PHACTR1: variants seen among roughly 807,000 people sequenced by gnomAD.
PHACTR1 encodes RPEL repeat containing 1.
In PHACTR1, 16 loss-of-function variants were observed where a neutral mutation model predicts 69.2. The ratio of observed to expected loss-of-function variants is 0.23; its 90% confidence interval spans 0.16 to 0.35. The LOEUF is 0.35. PHACTR1 is among the 10% of genes least tolerant of loss of function. PHACTR1 has a pLI of 1.00. For missense variants in PHACTR1, 510 were observed against 734.7 expected (o/e 0.69, Z 3.54); for synonymous variants, 312 against 284.5 (o/e 1.10, Z -0.97).
At chr6:12,836,172 T>G (rs1050298399) in intron 4 of PHACTR1, among the ~76,000 whole-genome samples, 2 of 152,164 alleles carry the variant, frequency 1.3e-5, no homozygotes, top group Non-Finnish European at 2.9e-5. Context: ...ACTTCTAAAG[T>G]CATCAGAAAG....
intron 4 of PHACTR1, among the ~76,000 whole-genome samples, chr6:12,767,375 C>T (rs1296800191): frequency 6.6e-6 from 1 of 152,184 alleles, no homozygotes; most frequent in Admixed American, 6.5e-5. Context: ...GTAGGCCTTC[C>T]AAAGGAAGCC....
intron 5 of PHACTR1, among the ~76,000 whole-genome samples, chr6:13,087,713 A>C (rs545491525): frequency 7.9e-5 from 12 of 151,470 alleles, no homozygotes; most frequent in Non-Finnish European, 1.8e-4. Context: ...TGGTGTGATC[A>C]CAGCTCACTG....
intron 4 of PHACTR1, among the ~76,000 whole-genome samples, chr6:12,973,078 T>A (rs545006783): frequency 6.6e-6 from 1 of 152,296 alleles, no homozygotes; most frequent in Admixed American, 6.5e-5. Context: ...GATAACCTTT[T>A]CTCAGGACCT....
At chr6:13,191,961 A>G (rs1453633799) in intron 7 of PHACTR1, among the ~76,000 whole-genome samples, 1 of 152,212 alleles carries the variant, frequency 6.6e-6, no homozygotes, top group African/African-American at 2.4e-5. Context: ...CAGTTTTTAA[A>G]GGATGCTTTC....
chr6:12,784,189 T>G (rs1771196999), intron 4 of PHACTR1, among the ~76,000 whole-genome samples: 1 of 151,980 alleles, frequency 6.6e-6, no homozygotes, highest in Non-Finnish European at 1.5e-5. Flanking sequence ...TACCCACAGA[T>G]ATACATATAT....
chr6:12,723,491 T>TC (rs1762393303), intron 3 of PHACTR1, among the ~76,000 whole-genome samples: 1 of 117,154 alleles, frequency 8.5e-6, no homozygotes, highest in Admixed American at 9.2e-5. Flanking sequence ...GCCTTTTCTT[T>TC]TTTTTTTTTT....
chr6:12,719,150 T>G (rs1175659533), intron 3 of PHACTR1, among the ~76,000 whole-genome samples: 1 of 152,196 alleles, frequency 6.6e-6, no homozygotes, highest in Non-Finnish European at 1.5e-5. Context: ...GAATCAAGAA[T>G]GCTCTTCCCC....
At chr6:13,053,640 CA>C in intron 5 of PHACTR1, 111 bp downstream of exon 5, 2 of 1,321,088 alleles carry the variant, frequency 1.5e-6, no homozygotes, top group Non-Finnish European at 1.0e-6. Flanking sequence ...GAAAAAATAT[CA>C]AGCCTTGGAA....
At chr6:13,089,387 TAGA>T (rs1812843405) in intron 5 of PHACTR1, among the ~76,000 whole-genome samples, 1 of 151,912 alleles carries the variant, frequency 6.6e-6, no homozygotes, top group African/African-American at 2.4e-5. Flanking sequence ...TCACTTTGTA[TAGA>T]AGGGCAGATC....
chr6:12,926,943 C>T lies in PHACTR1; in HGVS notation c.251-126422C>T, dbSNP rs145463239. ...CATGCCTCTGTGCCTTTGTTTAGCT[C>T]TCATTTCTGCCAGCTCCTGCAAGCC... On this transcript the variant is annotated intron_variant, in intron 4 of 14. Coordinates refer to ENST00000332995, the MANE Select transcript of PHACTR1 (RefSeq NM_030948.6). Among the ~76,000 whole-genome samples, 461 of 152,324 alleles carry T rather than the reference C, an allele frequency of 3.0e-3. 2 individuals are homozygous for T. Among genetic ancestry groups the T allele is most frequent in the Admixed American group, 7.2e-3 (110 of 15,296 alleles).
At chr6:12,986,854 A>G (rs1796247387) in intron 4 of PHACTR1, among the ~76,000 whole-genome samples, 1 of 152,194 alleles carries the variant, frequency 6.6e-6, no homozygotes. Context: ...TTCAGAGAGA[A>G]CAAGGTAAGC....
At chr6:12,832,640 G>T (rs749337126) in intron 4 of PHACTR1, among the ~76,000 whole-genome samples, 1 of 151,882 alleles carries the variant, frequency 6.6e-6, no homozygotes, top group Non-Finnish European at 1.5e-5. Context: ...AAGCAAAATT[G>T]GAATGTTTTT....
intron 5 of PHACTR1, among the ~76,000 whole-genome samples, chr6:13,059,027 T>C (rs1160398858): frequency 2.0e-5 from 3 of 152,070 alleles, no homozygotes; most frequent in Non-Finnish European, 4.4e-5. Flanking sequence ...TTGGGAGATT[T>C]TATAAGGAAC....
At chr6:12,940,429 C>T (rs533289640) in intron 4 of PHACTR1, among the ~76,000 whole-genome samples, 1 of 152,138 alleles carries the variant, frequency 6.6e-6, no homozygotes, top group Non-Finnish European at 1.5e-5. Flanking sequence ...GCAAATTCAG[C>T]AACAGGGTAA....
At chr6:12,830,525 G>A (rs1463800801) in intron 4 of PHACTR1, among the ~76,000 whole-genome samples, 1 of 151,886 alleles carries the variant, frequency 6.6e-6, no homozygotes, top group Non-Finnish European at 1.5e-5. Context: ...TTATCACCTA[G>A]GGGCAGGATA....
chr6:12,758,150 A>G (rs566862084), intron 4 of PHACTR1, among the ~76,000 whole-genome samples: 12 of 152,106 alleles, frequency 7.9e-5, no homozygotes, highest in Non-Finnish European at 1.8e-4. Flanking sequence ...TCACAGGTTA[A>G]AAATGAGGTC....
chr6:13,253,708 G>A (rs1774806113), intron 10 of PHACTR1, among the ~76,000 whole-genome samples: 1 of 152,150 alleles, frequency 6.6e-6, no homozygotes, highest in Non-Finnish European at 1.5e-5. Flanking sequence ...GCCTAAGCAT[G>A]CCCACAGTGG....
chr6:13,086,083 TAAAAAAAAAAA>T (rs776154642), intron 5 of PHACTR1, among the ~76,000 whole-genome samples: 1 of 60,266 alleles, frequency 1.7e-5, no homozygotes. Context: ...TACACATTTC[TAAAAAAAAAAA>T]AAAAAAAAAA....
chr6:12,972,831 A>G (rs1456007450), intron 4 of PHACTR1, among the ~76,000 whole-genome samples: 1 of 151,934 alleles, frequency 6.6e-6, no homozygotes, highest in African/African-American at 2.4e-5. Context: ...TTGTATTTTC[A>G]GTAGAGACGG....
Sources: allele counts gnomAD v4.1 joint callset (sites outside exome capture counted in the v4.1 genomes callset), GRCh38; gene constraint gnomAD v4.1.1; transcripts MANE v1.5; gene names NCBI Gene and HGNC (gene_info 2026-07-23, HGNC 2026-07-21).